Variants in ZBED6 observed in about 807,000 individuals in gnomAD.
ZBED6 encodes zinc finger BED-type containing 6, also known as zinc finger BED domain-containing protein 6.
ZBED6 carries 40 observed loss-of-function variants against 58.4 expected under a neutral mutation model. The ratio of observed to expected loss-of-function variants is 0.68; its 90% CI spans 0.53 to 0.89. The LOEUF is 0.89. Among genes scored for constraint, ZBED6 ranks in the 40% least tolerant of loss-of-function variants. ZBED6 has a pLI of 0.00. For missense variants in ZBED6, 1,057 were observed against 1,003.9 expected (o/e 1.05, Z -0.71); for synonymous variants, 439 against 350.6 (o/e 1.25, Z -2.82).
chr1:203,820,468 A>AGTGTGTGTGTGTGTG (rs1678195161), intron 3 of ZBED6, among the ~76,000 whole-genome samples: 1 of 150,384 alleles, frequency 6.6e-6, no homozygotes, highest in Non-Finnish European at 1.5e-5. Flanking sequence ...ATCACAAATT[A>AGTGTGTGTGTGTGTG]TGTGTGTGTG....
intron 6 of ZBED6, 74 bp downstream of exon 6, chr1:203,829,970 A>T (rs756145167): frequency 2.1e-6 from 3 of 1,428,866 alleles, no homozygotes; most frequent in Non-Finnish European, 3.0e-6. Flanking sequence ...ACAATCATTG[A>T]CCTCCCTCTT....
intron 7 of ZBED6, among the ~76,000 whole-genome samples, chr1:203,830,702 G>A (rs1324630125): frequency 3.3e-5 from 5 of 151,868 alleles, no homozygotes; most frequent in African/African-American, 9.7e-5. Context: ...CCAGCTACTC[G>A]GGAGGCTGAG....
rs112062158 is a variant in ZBED6 at position 203,833,333 on chromosome 1, C to T, written c.*3511-458C>T. On this transcript the variant is annotated intron_variant, in intron 8 of 16. Coordinates refer to ENST00000550078, the Ensembl canonical transcript of ZBED6. ...TGAGCCGAGATCGGGCCACTGCACT[C>T]TAGCCTGGGCGACAGAGTGAGACTC... 2.1e-5 allele frequency among the ~76,000 whole-genome samples: 3 copies of T among 141,482 alleles called. No individual in the cohort carries two copies. The Admixed American group carries it at 2.3e-4, about 11-fold the overall frequency. 92.8% of individuals were successfully genotyped at this position (141,482 alleles called of 152,430 possible). A position where few individuals can be genotyped will look rare whatever the true frequency, so the allele number is the denominator to read the frequency against.
exon 6 of ZBED6, chr1:203,829,869 C>G: frequency 6.2e-7 from 1 of 1,614,014 alleles, no homozygotes; most frequent in Non-Finnish European, 8.5e-7. Context: ...GACTTCTGTC[C>G]GGAAACCTGC....
exon 1 of ZBED6, chr1:203,802,039 G>A (rs767265338): frequency 6.6e-6 from 1 of 152,546 alleles, no homozygotes; most frequent in Non-Finnish European, 1.5e-5. Flanking sequence ...TACAAAATAA[G>A]AAATAAATTT....
chr1:203,822,605 T>C (rs1326218921), intron 3 of ZBED6, among the ~76,000 whole-genome samples: 1 of 152,122 alleles, frequency 6.6e-6, no homozygotes, highest in Non-Finnish European at 1.5e-5. Context: ...TTTGATGCCA[T>C]TCTAGACTGA....
chr1:203,849,820 T>C (rs1485094707), exon 14 of ZBED6: 3 of 1,613,986 alleles, frequency 1.9e-6, no homozygotes, highest in Admixed American at 3.3e-5. Flanking sequence ...AAATCAGTCT[T>C]GACACCTCTT....
rs749103205 is a variant in ZBED6, at chr1:203,850,618, C to T, written c.*4742C>T. ...TGGAGATGCACGCTGCTGTCATTGC[C>T]GCTGTGAAGCCACTCAGCTCCAGCA... On this transcript the variant is annotated 3_prime_UTR_variant, in exon 15 of 17. Transcript: ENST00000550078. 4.3e-5 allele frequency: 69 copies of T among 1,614,034 alleles called. No individual in the cohort carries two copies. In the East Asian group the frequency reaches 8.5e-4, roughly 20 times the overall value.
rs187259967 is a variant in ZBED6, at chr1:203,810,411, T to C, written c.*2555-6515T>C. Among the ~76,000 whole-genome samples the C allele has an allele frequency of 1.1e-4, 17 of 151,354 alleles. No homozygotes were observed. The East Asian group carries it at 3.2e-3, about 28-fold the overall frequency. ...TTATTTCCTTTTTCTTGTTTTACAT[T>C]GTAGCTGTTAGGTTTTTTTTTTTTT... On this transcript the variant is annotated intron_variant, in intron 1 of 16. Transcript: ENST00000550078.
At chr1:203,845,760 G>A (rs1402366150) in intron 11 of ZBED6, among the ~76,000 whole-genome samples, 3 of 152,136 alleles carry the variant, frequency 2.0e-5, no homozygotes, top group African/African-American at 7.2e-5. Flanking sequence ...AGCTACTTGG[G>A]AGGCTGAGGC....
At chr1:203,796,168 G>A (rs1397895277) in exon 1 of ZBED6, 1 of 347,032 alleles carries the variant, frequency 2.9e-6, no homozygotes, top group African/African-American at 2.1e-5. Flanking sequence ...GAATCCCGAA[G>A]AGAGAACTGA....
exon 1 of ZBED6, chr1:203,800,486 G>A (rs2102408419): frequency 1.4e-6 from 2 of 1,460,292 alleles, no homozygotes; most frequent in East Asian, 2.5e-5. Flanking sequence ...ATTTAAAATG[G>A]GCAACTTTTT....
chr1:203,844,123 C>T (rs1263517021), intron 11 of ZBED6, among the ~76,000 whole-genome samples: 2 of 152,120 alleles, frequency 1.3e-5, no homozygotes, highest in African/African-American at 2.4e-5. Flanking sequence ...TCCCAAAGTG[C>T]TGGGATTACA....
exon 1 of ZBED6, chr1:203,799,943 A>G (rs1670022557): frequency 6.5e-7 from 1 of 1,536,150 alleles, no homozygotes; most frequent in Non-Finnish European, 8.7e-7. Flanking sequence ...AATCTTCACC[A>G]GAGATCTGCC....
intron 1 of ZBED6, among the ~76,000 whole-genome samples, chr1:203,815,134 A>G (rs1402256957): frequency 1.3e-5 from 2 of 150,778 alleles, no homozygotes; most frequent in African/African-American, 2.4e-5. Context: ...CTGGCCATAT[A>G]TCATAATTTT....
intron 3 of ZBED6, among the ~76,000 whole-genome samples, chr1:203,822,929 G>A (rs974636617): frequency 1.3e-5 from 2 of 152,146 alleles, no homozygotes; most frequent in Admixed American, 6.5e-5. Context: ...TAAATATGCA[G>A]TTCATGTGCC....
exon 1 of ZBED6, chr1:203,800,163 G>A (rs1243260278): frequency 6.5e-7 from 1 of 1,533,252 alleles, no homozygotes; most frequent in Admixed American, 2.0e-5. Flanking sequence ...GTTCTCAGGA[G>A]GTGATGACCC....
chr1:203,842,551 C>CA (rs1686723163), intron 11 of ZBED6, among the ~76,000 whole-genome samples: 1 of 149,022 alleles, frequency 6.7e-6, no homozygotes, highest in Admixed American at 6.8e-5. Flanking sequence ...GGCAGCAGTA[C>CA]AGTCCAGCCT....
intron 3 of ZBED6, among the ~76,000 whole-genome samples, chr1:203,821,828 G>A (rs992994903): frequency 2.0e-4 from 31 of 151,266 alleles, no homozygotes; most frequent in Admixed American, 5.3e-4. Flanking sequence ...CGCGATCTCC[G>A]CTCACTGCAA....
Sources: gnomAD v4.1 joint callset for allele counts (sites outside exome capture counted in the v4.1 genomes callset) on GRCh38, gnomAD v4.1.1 for gene constraint, MANE v1.5 for transcripts, NCBI Gene and HGNC (gene_info 2026-07-23, HGNC 2026-07-21) for gene names.